EPHB2: variants seen among roughly 807,000 people sequenced by gnomAD.
The protein encoded by EPHB2 is EPH receptor B2, also known as ephrin type-B receptor 2.
In EPHB2, 18 loss-of-function variants were observed where a neutral mutation model predicts 96.4. The ratio of observed to expected loss-of-function variants is 0.19; its 90% CI spans 0.13 to 0.28. The LOEUF (loss-of-function observed/expected upper bound fraction) is 0.28. Among genes scored for constraint, EPHB2 ranks in the 10% least tolerant of loss-of-function variants. EPHB2 has a pLI of 1.00. For missense variants in EPHB2, 989 were observed against 1,355.4 expected (o/e 0.73, Z 4.25); for synonymous variants, 506 against 534.1 (o/e 0.95, Z 0.72).
chr1:22,905,841 G>A lies in EPHB2; in HGVS notation c.1766-146G>A, dbSNP rs961295529. On this transcript the variant is annotated intron_variant, in intron 9 of 15. Coordinates refer to ENST00000374630, the MANE Select transcript of EPHB2 (RefSeq NM_017449.5). Reference sequence around the variant, plus strand: ...CCATCTGCTCAGTAAGCCCCAGAGAGGTCAAGTGACCTGCAGGGAGTTGCC... The same window carrying A: ...CCATCTGCTCAGTAAGCCCCAGAGAAGTCAAGTGACCTGCAGGGAGTTGCC... 23 of 1,248,602 alleles carry A rather than the reference G, an allele frequency of 1.8e-5. No homozygotes were observed. The African/African-American group carries it at 3.3e-4, about 18-fold the overall frequency. 77.3% of individuals were successfully genotyped at this position (1,248,602 alleles called of 1,614,324 possible).
intron 7 of EPHB2, among the ~76,000 whole-genome samples, chr1:22,895,269 G>C (rs968155447): frequency 6.6e-6 from 1 of 152,190 alleles, no homozygotes; most frequent in African/African-American, 2.4e-5. Flanking sequence ...TTGAGGATTG[G>C]AGCAGTTCAT....
At chr1:22,869,290 G>A (rs1326710949) in intron 5 of EPHB2, among the ~76,000 whole-genome samples, 1 of 151,644 alleles carries the variant, frequency 6.6e-6, no homozygotes, top group Non-Finnish European at 1.5e-5. Context: ...TTTAAACCCA[G>A]GACCATGTGA....
intron 14 of EPHB2, 23 bp downstream of exon 14, chr1:22,910,598 C>T (rs759983035): frequency 3.7e-6 from 6 of 1,612,954 alleles, no homozygotes; most frequent in Non-Finnish European, 5.1e-6. Flanking sequence ...CCTGGCCCTG[C>T]CCCAGCCAGG....
chr1:22,753,561 GA>G (rs1241308748), intron 1 of EPHB2, among the ~76,000 whole-genome samples: 2 of 152,194 alleles, frequency 1.3e-5, no homozygotes, highest in African/African-American at 4.8e-5. Flanking sequence ...AGTCGGAAGG[GA>G]AGGCAAGGGC....
chr1:22,891,865 G>T (rs1347592111), intron 6 of EPHB2, among the ~76,000 whole-genome samples: 1 of 151,796 alleles, frequency 6.6e-6, no homozygotes, highest in Non-Finnish European at 1.5e-5. Context: ...CATAATCATG[G>T]CTTACTGTGG....
intron 9 of EPHB2, among the ~76,000 whole-genome samples, chr1:22,904,768 C>A (rs1262038327): frequency 2.0e-5 from 3 of 152,214 alleles, no homozygotes; most frequent in African/African-American, 7.2e-5. Context: ...AGGCTATAAG[C>A]CAATTCGCCA....
At chr1:22,715,371 G>A (rs1643265590) in intron 1 of EPHB2, among the ~76,000 whole-genome samples, 1 of 152,090 alleles carries the variant, frequency 6.6e-6, no homozygotes, top group Non-Finnish European at 1.5e-5. Context: ...AGGTAGACAA[G>A]TCCACTTCTG....
At chr1:22,769,913 C>A (rs1644355686) in intron 1 of EPHB2, among the ~76,000 whole-genome samples, 1 of 151,994 alleles carries the variant, frequency 6.6e-6, no homozygotes, top group Non-Finnish European at 1.5e-5. Flanking sequence ...AGGGAAAAAA[C>A]CGAAGTGGGA....
intron 3 of EPHB2, among the ~76,000 whole-genome samples, chr1:22,805,067 T>A (rs189821338): frequency 1.5e-5 from 2 of 134,928 alleles, no homozygotes; most frequent in East Asian, 4.6e-4. Flanking sequence ...GGGGCACAGG[T>A]ACCTACATAC....
intron 1 of EPHB2, among the ~76,000 whole-genome samples, chr1:22,720,286 A>C (rs1420053554): frequency 6.6e-6 from 1 of 152,206 alleles, no homozygotes; most frequent in African/African-American, 2.4e-5. Context: ...ATCAGGTTCA[A>C]GGAAAAGGAA....
chr1:22,713,423 C>G (rs1341791267), intron 1 of EPHB2, among the ~76,000 whole-genome samples: 1 of 152,140 alleles, frequency 6.6e-6, no homozygotes, highest in Non-Finnish European at 1.5e-5. Flanking sequence ...CCTACTTCCC[C>G]TCTTTGAGCC....
At chr1:22,895,088 T>C (rs1639513874) in intron 7 of EPHB2, among the ~76,000 whole-genome samples, 1 of 152,208 alleles carries the variant, frequency 6.6e-6, no homozygotes, top group South Asian at 2.1e-4. Flanking sequence ...ACTAAGTCAC[T>C]TTGCCTTACT....
intron 3 of EPHB2, among the ~76,000 whole-genome samples, chr1:22,811,856 T>C (rs920121126): frequency 8.6e-5 from 13 of 151,956 alleles, no homozygotes; most frequent in African/African-American, 2.9e-4. Flanking sequence ...CTGGGCAACA[T>C]AGTGAGACCC....
intron 3 of EPHB2, among the ~76,000 whole-genome samples, chr1:22,852,745 G>T (rs1027210977): frequency 6.6e-6 from 1 of 152,234 alleles, no homozygotes; most frequent in Non-Finnish European, 1.5e-5. Context: ...TGAAAGTCCC[G>T]GTTGCTCCGG....
In EPHB2 at chr1:22,741,696, A is replaced by AAAAAAAAAAAAAAAC. The variant is rs55743842; in HGVS notation, c.61+30653_61+30654insAAAAAAAAAAAAAAC. On this transcript the variant is annotated intron_variant, in intron 1 of 15. Coordinates refer to ENST00000374630, the MANE Select transcript of EPHB2 (RefSeq NM_017449.5). ...CTTCCCAGCAAAAAAAAACAAAAAAACAAAAAACCTCAGTTTCTCACGTTG... is the reference window on the plus strand; with the variant it reads ...CTTCCCAGCAAAAAAAAACAAAAAAAAAAAAAAAAAAAAACCAAAAAACCTCAGTTTCTCACGTTG... Among the ~76,000 whole-genome samples the AAAAAAAAAAAAAAAC allele has an allele frequency of 2.8e-4, 39 of 137,374 alleles. 1 individual carries two copies. Among genetic ancestry groups the AAAAAAAAAAAAAAAC allele is most frequent in the African/African-American group, 7.6e-4 (29 of 38,038 alleles). 90.1% of individuals were successfully genotyped at this position (137,374 alleles called of 152,430 possible). A position where few individuals can be genotyped will look rare whatever the true frequency, so the allele number is the denominator to read the frequency against.
intron 3 of EPHB2, among the ~76,000 whole-genome samples, chr1:22,856,889 G>C (rs117958612): frequency 6.6e-6 from 1 of 152,222 alleles, no homozygotes; most frequent in Non-Finnish European, 1.5e-5. Flanking sequence ...AGTGCTTTGT[G>C]TATATCAATC....
At chr1:22,869,994 C>T (rs1251199056) in intron 5 of EPHB2, among the ~76,000 whole-genome samples, 4 of 152,050 alleles carry the variant, frequency 2.6e-5, no homozygotes, top group Non-Finnish European at 5.9e-5. Context: ...CAGAAGGGTT[C>T]GGAGAAGCGT....
At chr1:22,864,804 G>A (rs377193068) in intron 4 of EPHB2, 73 bp from the exon 5 acceptor site, 13 of 956,038 alleles carry the variant, frequency 1.4e-5, no homozygotes, top group African/African-American at 6.5e-5. Flanking sequence ...CCAGAGCAGC[G>A]GGCACAGAGT....
At chr1:22,711,940 T>C (rs1353111150) in intron 1 of EPHB2, among the ~76,000 whole-genome samples, 1 of 152,220 alleles carries the variant, frequency 6.6e-6, no homozygotes, top group Admixed American at 6.5e-5. Context: ...GTTAGTGCGG[T>C]CTGGGTGTGT....
Sources: allele counts gnomAD v4.1 joint callset (sites outside exome capture counted in the v4.1 genomes callset), GRCh38; gene constraint gnomAD v4.1.1; transcripts MANE v1.5; gene names NCBI Gene and HGNC (gene_info 2026-07-23, HGNC 2026-07-21).